PRR5L: variants seen among roughly 807,000 people sequenced by gnomAD.
The protein encoded by PRR5L is proline rich 5 like, also known as proline-rich protein 5-like.
In PRR5L, 21 loss-of-function variants were observed where a neutral mutation model predicts 36.4. That is an observed-to-expected ratio of 0.58 (90% confidence interval 0.41 to 0.83). The LOEUF (loss-of-function observed/expected upper bound fraction) is 0.83, where lower values mean the gene tolerates loss of function less well. Ranked by LOEUF, PRR5L falls within the 40% of genes least tolerant of loss-of-function variation. PRR5L has a pLI of 0.00. For missense variants in PRR5L, 381 were observed against 473.3 expected (o/e 0.80, Z 1.81); for synonymous variants, 188 against 197.0 (o/e 0.95, Z 0.38).
intron 2 of PRR5L, among the ~76,000 whole-genome samples, chr11:36,402,463 G>A (rs1455035102): frequency 8.5e-5 from 13 of 152,088 alleles, no homozygotes; most frequent in African/African-American, 3.1e-4. Context: ...GACTGGTCTC[G>A]AACTCCTGAC....
intron 5 of PRR5L, among the ~76,000 whole-genome samples, chr11:36,436,912 A>G (rs1858616800): frequency 6.6e-6 from 1 of 152,220 alleles, no homozygotes; most frequent in Non-Finnish European, 1.5e-5. Context: ...ATGTGATTTT[A>G]AGATGTCAGC....
intron 1 of PRR5L, among the ~76,000 whole-genome samples, chr11:36,359,090 C>T (rs138880132): frequency 2.6e-3 from 395 of 152,262 alleles, no homozygotes; most frequent in African/African-American, 9.2e-3. Flanking sequence ...GCATTTGAGT[C>T]CCAGTGCTGC....
chr11:36,457,207 T>C (rs1175889740), intron 8 of PRR5L, among the ~76,000 whole-genome samples: 2 of 152,242 alleles, frequency 1.3e-5, no homozygotes, highest in African/African-American at 4.8e-5. Flanking sequence ...TCTTCTCTGG[T>C]CCCAGCCTTT....
At chr11:36,384,018 C>A (rs1857415611) in intron 1 of PRR5L, among the ~76,000 whole-genome samples, 1 of 152,156 alleles carries the variant, frequency 6.6e-6, no homozygotes, top group South Asian at 2.1e-4. Context: ...ATTGTAGGAG[C>A]CATATCTGGC....
chr11:36,378,598 C>T (rs967926952), intron 1 of PRR5L, among the ~76,000 whole-genome samples: 3 of 152,106 alleles, frequency 2.0e-5, no homozygotes, highest in African/African-American at 7.2e-5. Context: ...AGGGTGGGAC[C>T]TCATTTCTTT....
intron 1 of PRR5L, among the ~76,000 whole-genome samples, chr11:36,389,570 C>T (rs1383183554): frequency 2.0e-5 from 3 of 150,606 alleles, no homozygotes; most frequent in Non-Finnish European, 4.4e-5. Context: ...CCAAGTTAGT[C>T]AGATTTCAGT....
intron 1 of PRR5L, among the ~76,000 whole-genome samples, chr11:36,398,085 G>GC (rs1246503455): frequency 6.6e-6 from 1 of 152,200 alleles, no homozygotes; most frequent in African/African-American, 2.4e-5. Context: ...TAAGCAGTGA[G>GC]CTTAGTCTTG....
At chr11:36,397,250 G>A (rs528646147) in intron 1 of PRR5L, among the ~76,000 whole-genome samples, 1 of 150,898 alleles carries the variant, frequency 6.6e-6, no homozygotes, top group South Asian at 2.1e-4. Flanking sequence ...ATTTTTAGTC[G>A]AGACAGGGTT....
chr11:36,376,339 GGAGGAA>G (rs1353663070), intron 1 of PRR5L: 87 of 1,058,654 alleles, frequency 8.2e-5, no homozygotes, highest in Middle Eastern at 4.5e-4. Context: ...AGGGGGAGGA[GGAGGAA>G]GAGGAGGAGG....
intron 1 of PRR5L, 118 bp from the exon 2 acceptor site, chr11:36,400,879 C>T (rs1255941112): frequency 1.4e-6 from 1 of 707,622 alleles, no homozygotes; most frequent in East Asian, 3.4e-5. Flanking sequence ...GGAATAGATG[C>T]TATTGCTGGG....
chr11:36,463,111 A>T lies in PRR5L; in HGVS notation c.*375A>T. 1 of 185,002 alleles carries T rather than the reference A, an allele frequency of 5.4e-6. No homozygotes were observed. The highest frequency in any genetic ancestry group is 1.4e-4 in the East Asian group (1 of 7,086). 11.5% of individuals were successfully genotyped at this position (185,002 alleles called of 1,614,324 possible). A position where few individuals can be genotyped will look rare whatever the true frequency, so the allele number is the denominator to read the frequency against. ...TGGAGCAGGAGGTTGTCAGGACAAC[A>T]CATATAACCACCAAGGATGTGTTGG... On this transcript the variant is annotated 3_prime_UTR_variant, in exon 9 of 9. Transcript: ENST00000530639.
chr11:36,385,003 T>A (rs916156091), intron 1 of PRR5L, among the ~76,000 whole-genome samples: 2 of 152,194 alleles, frequency 1.3e-5, no homozygotes, highest in African/African-American at 4.8e-5. Context: ...AACCATTTTA[T>A]CTTATTTCTG....
chr11:36,437,294 T>G (rs2133606048), intron 5 of PRR5L, 91 bp from the exon 6 acceptor site: 3 of 905,784 alleles, frequency 3.3e-6, no homozygotes, highest in Non-Finnish European at 5.6e-6. Flanking sequence ...CAGCTTGACA[T>G]TTTATGTGGA....
intron 8 of PRR5L, among the ~76,000 whole-genome samples, chr11:36,458,544 G>C (rs115956199): frequency 0.02 from 3,012 of 152,352 alleles, 86 homozygotes; most frequent in African/African-American, 0.064. Flanking sequence ...TAGTCCAAAG[G>C]TTTAGAATTT....
intron 3 of PRR5L, among the ~76,000 whole-genome samples, chr11:36,404,276 T>TG (rs200989174): frequency 0.23 from 34,002 of 150,306 alleles, 5,562 homozygotes; most frequent in African/African-American, 0.47. Flanking sequence ...GTCTTTTTTT[T>TG]TTTTTTTTTT....
At chr11:36,431,514 CT>C (rs1858494191) in intron 4 of PRR5L, among the ~76,000 whole-genome samples, 1 of 151,922 alleles carries the variant, frequency 6.6e-6, no homozygotes, top group African/African-American at 2.4e-5. Flanking sequence ...TCAATGCTTC[CT>C]TTTGTGAGTT....
intron 1 of PRR5L, chr11:36,375,947 C>T (rs1047983148): frequency 4.6e-5 from 17 of 372,496 alleles, no homozygotes; most frequent in Non-Finnish European, 8.4e-5. Context: ...TCAGCTCCGC[C>T]CTGCTCCTTT....
chr11:36,314,041 A>G (rs1300762263), intron 1 of PRR5L, among the ~76,000 whole-genome samples: 1 of 152,236 alleles, frequency 6.6e-6, no homozygotes, highest in Non-Finnish European at 1.5e-5. Flanking sequence ...TGGTTACAAT[A>G]TCTCTACTTC....
rs188314179 is a variant in PRR5L at position 36,359,019 on chromosome 11, A to G, written c.-125-41978A>G. ...TGGATTTTCAGTAACGTGGACCCAC[A>G]CTGACTTGCAGGCTCATATTCTTGT... On this transcript the variant is annotated intron_variant, in intron 1 of 8. Transcript: ENST00000530639. 2.5e-3 allele frequency among the ~76,000 whole-genome samples: 383 copies of G among 152,322 alleles called. 1 individual carries two copies. Among genetic ancestry groups the G allele is most frequent in the African/African-American group, 9.0e-3 (374 of 41,578 alleles).
Sources: gnomAD v4.1 joint callset for allele counts (sites outside exome capture counted in the v4.1 genomes callset) on GRCh38, gnomAD v4.1.1 for gene constraint, MANE v1.5 for transcripts, NCBI Gene and HGNC (gene_info 2026-07-23, HGNC 2026-07-21) for gene names.